Variants in LMO7 observed in about 807,000 individuals in gnomAD.
LMO7 encodes the protein LIM domain only protein 7.
LMO7 carries 120 observed loss-of-function variants against 206.5 expected under a neutral mutation model. The observed-to-expected ratio is 0.58, with a 90% CI of 0.50 to 0.68. LMO7 has a LOEUF of 0.68. Among genes scored for constraint, LMO7 ranks in the 30% least tolerant of loss-of-function variants. The pLI, the probability that LMO7 is intolerant of heterozygous loss-of-function variation, is 0.00. For missense variants in LMO7, 1,959 were observed against 1,957.9 expected (o/e 1.00, Z -0.01); for synonymous variants, 706 against 681.5 (o/e 1.04, Z -0.56).
intron 4 of LMO7, among the ~76,000 whole-genome samples, chr13:75,763,796 G>C (rs1165356900): frequency 6.6e-6 from 1 of 152,098 alleles, no homozygotes; most frequent in Non-Finnish European, 1.5e-5. Flanking sequence ...GATAGTTGCT[G>C]TATGGAGCCC....
chr13:75,703,271 T>A (rs2042405216), intron 1 of LMO7, among the ~76,000 whole-genome samples: 1 of 152,130 alleles, frequency 6.6e-6, no homozygotes, highest in Non-Finnish European at 1.5e-5. Context: ...GATTTAAAAG[T>A]GATGAGGGTG....
At position 75,819,549 on chromosome 13, in the gene LMO7, A is replaced by G; in HGVS notation, c.2207+14A>G. 6.4e-7 allele frequency: 1 copy of G among 1,564,342 alleles called. No individual in the cohort carries two copies. The highest frequency in any genetic ancestry group is 8.6e-7 in the Non-Finnish European group (1 of 1,162,334). ...GCTGCAGGACAGGTAATAATGCTGA[A>G]TGCACCTCGGTTGTAACAGGGTTGG... is the stretch of plus-strand genomic sequence containing the variant. On this transcript the variant is annotated intron_variant, in intron 13 of 30. Coordinates refer to ENST00000377534, the MANE Select transcript of LMO7 (RefSeq NM_001306080.2).
chr13:75,701,944 TCTTC>T (rs2042310634), intron 1 of LMO7, among the ~76,000 whole-genome samples: 1 of 152,234 alleles, frequency 6.6e-6, no homozygotes, highest in Non-Finnish European at 1.5e-5. Flanking sequence ...TTCCTTCATT[TCTTC>T]CCTGTTTTAT....
At chr13:75,721,672 A>G (rs1336783825) in intron 2 of LMO7, among the ~76,000 whole-genome samples, 1 of 152,202 alleles carries the variant, frequency 6.6e-6, no homozygotes, top group Non-Finnish European at 1.5e-5. Context: ...GTAGTATTCC[A>G]TGGTATATGC....
intron 3 of LMO7, among the ~76,000 whole-genome samples, chr13:75,727,976 T>G (rs553032938): frequency 4.1e-4 from 63 of 152,204 alleles, no homozygotes; most frequent in African/African-American, 1.4e-3. Flanking sequence ...TATGGCTGCA[T>G]AGTATTCCCT....
chr13:75,662,806 T>A (rs1397700353), intron 1 of LMO7, among the ~76,000 whole-genome samples: 1 of 152,198 alleles, frequency 6.6e-6, no homozygotes, highest in Non-Finnish European at 1.5e-5. Flanking sequence ...AGATAATGAT[T>A]AACTGTGAAG....
chr13:75,768,000 T>C (rs1001069314), intron 4 of LMO7, among the ~76,000 whole-genome samples: 2 of 152,096 alleles, frequency 1.3e-5, no homozygotes, highest in Admixed American at 1.3e-4. Context: ...TGCTTGGAAC[T>C]TGGCAAATCA....
At chr13:75,716,166 A>G (rs1050522656) in intron 2 of LMO7, among the ~76,000 whole-genome samples, 1 of 152,268 alleles carries the variant, frequency 6.6e-6, no homozygotes, top group South Asian at 2.1e-4. Flanking sequence ...AATTTCAGCA[A>G]TTTTAAAAAA....
At chr13:75,626,595 A>ATATTTTTTTTTTTTTTTTTTTT in intron 2 of LMO7, among the ~76,000 whole-genome samples, 1 of 71,184 alleles carries the variant, frequency 1.4e-5, no homozygotes, top group Non-Finnish European at 3.6e-5. Flanking sequence ...ATATATATAA[A>ATATTTTTTTTTTTTTTTTTTTT]TTTTTTTGAG....
chr13:75,849,380 G>C, intron 27 of LMO7, 88 bp downstream of exon 27: 1 of 1,031,610 alleles, frequency 9.7e-7, no homozygotes, highest in South Asian at 1.4e-5. Context: ...GGACAGAAGA[G>C]ATGAAAGGAA....
chr13:75,651,499 G>A (rs978059019), intron 1 of LMO7, among the ~76,000 whole-genome samples: 2 of 151,808 alleles, frequency 1.3e-5, no homozygotes, highest in Non-Finnish European at 2.9e-5. Flanking sequence ...TAGTAGAGAC[G>A]GGGTTTCACT....
chr13:75,739,647 C>A (rs1004518763), intron 3 of LMO7, among the ~76,000 whole-genome samples: 1 of 152,226 alleles, frequency 6.6e-6, no homozygotes, highest in African/African-American at 2.4e-5. Context: ...CTACACACTT[C>A]CCCTCACTCT....
At chr13:75,783,385 C>T (rs139706881) in intron 4 of LMO7, among the ~76,000 whole-genome samples, 45 of 152,214 alleles carry the variant, frequency 3.0e-4, no homozygotes, top group African/African-American at 8.4e-4. Context: ...TGCAGTGGTG[C>T]GATTTTGGCT....
intron 1 of LMO7, chr13:75,688,868 T>G (rs1057114306): frequency 6.6e-6 from 1 of 152,216 alleles, no homozygotes; most frequent in Non-Finnish European, 1.5e-5. Context: ...TCCATTGGGC[T>G]TTATTTAATG....
intron 2 of LMO7, 62 bp downstream of exon 2, chr13:75,713,314 TGAG>T: frequency 8.0e-7 from 1 of 1,245,442 alleles, no homozygotes; most frequent in Non-Finnish European, 1.1e-6. Context: ...GTGTGAGTGA[TGAG>T]GTGTTTGGCT....
intron 4 of LMO7, among the ~76,000 whole-genome samples, chr13:75,769,505 T>G (rs2139977290): frequency 6.6e-6 from 1 of 152,220 alleles, no homozygotes; most frequent in Non-Finnish European, 1.5e-5. Context: ...GGTATACTTG[T>G]ACACTCAGTA....
chr13:75,812,328 C>T (rs2056492695), intron 11 of LMO7, among the ~76,000 whole-genome samples: 1 of 152,128 alleles, frequency 6.6e-6, no homozygotes, highest in African/African-American at 2.4e-5. Flanking sequence ...AGCCTCTTGC[C>T]CAAGTTTTAG....
Position 75,807,752 on chromosome 13 carries a change from A to G in LMO7, c.1469A>G (p.Gln490Arg), listed in dbSNP as rs1250293395. The G allele has an allele frequency of 6.2e-7, 1 of 1,614,038 alleles. No individual in the cohort carries two copies. The highest frequency in any genetic ancestry group is 1.3e-5 in the African/African-American group (1 of 75,074). Residue 490 changes from glutamine to arginine, a missense_variant, in exon 10 of 31, where the codon CAA becomes CGA. Transcript: ENST00000377534. ...GAAGACTTTAGAAAGTTCTCTGAGC[A>G]AGATGATTCTGTAGAGCGAGATATA... ...AFEDFRKFSE[Q>R]DDSVERDIIL...
intron 20 of LMO7, among the ~76,000 whole-genome samples, chr13:75,838,845 C>G (rs534761444): frequency 4.5e-4 from 68 of 152,234 alleles, no homozygotes; most frequent in Admixed American, 3.9e-4. Context: ...TCCCGTGTCA[C>G]GTTTGCCTAA....
Sources: gnomAD v4.1 joint callset for allele counts (sites outside exome capture counted in the v4.1 genomes callset) on GRCh38, gnomAD v4.1.1 for gene constraint, MANE v1.5 for transcripts, NCBI Gene and HGNC (gene_info 2026-07-23, HGNC 2026-07-21) for gene names.